PRKG1: variants seen among roughly 807,000 people sequenced by gnomAD.
PRKG1 encodes the protein protein kinase cGMP-dependent 1, also known as cGMP-dependent protein kinase 1.
PRKG1 carries 35 observed loss-of-function variants against 88.1 expected under a neutral mutation model. The ratio of observed to expected loss-of-function variants is 0.40; its 90% CI spans 0.30 to 0.53. The LOEUF is 0.53. Among genes scored for constraint, PRKG1 ranks in the 20% least tolerant of loss-of-function variants. The pLI is 0.59. For synonymous variants in PRKG1, 303 were observed against 292.5 expected (o/e 1.04, Z -0.37); for missense variants, 540 against 839.8 (o/e 0.64, Z 4.41).
chr10:51,782,167 T>C (rs530201730), intron 3 of PRKG1, among the ~76,000 whole-genome samples: 10 of 152,244 alleles, frequency 6.6e-5, no homozygotes, highest in South Asian at 4.1e-4. Flanking sequence ...TTTTAAAGAA[T>C]ATATAAAAAG....
chr10:51,613,902 G>A (rs1838977127), intron 3 of PRKG1, among the ~76,000 whole-genome samples: 1 of 151,362 alleles, frequency 6.6e-6, no homozygotes, highest in Non-Finnish European at 1.5e-5. Flanking sequence ...TTCTTTTTTT[G>A]GCCTAACATA....
chr10:51,609,155 T>C (rs189477729), intron 3 of PRKG1, among the ~76,000 whole-genome samples: 5 of 152,194 alleles, frequency 3.3e-5, no homozygotes, highest in African/African-American at 1.2e-4. Flanking sequence ...TAGTTACATA[T>C]GTATACATGT....
chr10:51,628,539 T>A (rs1158921122), intron 3 of PRKG1, among the ~76,000 whole-genome samples: 1 of 152,182 alleles, frequency 6.6e-6, no homozygotes, highest in East Asian at 1.9e-4. Flanking sequence ...CTGGTATATA[T>A]TTTTACCATT....
chr10:51,392,947 C>T (rs1480387873), intron 2 of PRKG1, among the ~76,000 whole-genome samples: 2 of 67,376 alleles, frequency 3.0e-5, no homozygotes, highest in East Asian at 7.7e-4. Flanking sequence ...GGCGGCTGGC[C>T]GGGCTGAGGG....
chr10:51,176,279 A>G (rs552390986), intron 2 of PRKG1, among the ~76,000 whole-genome samples: 1 of 152,240 alleles, frequency 6.6e-6, no homozygotes, highest in Admixed American at 6.5e-5. Context: ...TCTCTGTATC[A>G]GGGTCATATA....
In PRKG1 at chr10:51,989,979, T is replaced by C. The variant is rs965039161; in HGVS notation, c.763-64505T>C. Among the ~76,000 whole-genome samples, 8 of 152,128 alleles carry C rather than the reference T, an allele frequency of 5.3e-5. No homozygotes were observed. In the East Asian group the frequency reaches 1.3e-3, roughly 26 times the overall value. ...ATCTTTAATCCCTTTTAAGTTGTTT[T>C]TGAGTTAATACTTTTTTTTTAGTAT... is the stretch of plus-strand genomic sequence containing the variant. On this transcript the variant is annotated intron_variant, in intron 5 of 17. Coordinates refer to ENST00000373980, the MANE Select transcript of PRKG1 (RefSeq NM_006258.4).
intron 3 of PRKG1, among the ~76,000 whole-genome samples, chr10:51,770,178 T>C (rs1374295020): frequency 6.6e-6 from 1 of 152,264 alleles, no homozygotes; most frequent in Non-Finnish European, 1.5e-5. Context: ...AAAGGAATTC[T>C]ACAGGACTGG....
chr10:51,584,679 G>A (rs930652670), intron 3 of PRKG1, among the ~76,000 whole-genome samples: 4 of 152,134 alleles, frequency 2.6e-5, no homozygotes, highest in East Asian at 1.9e-4. Context: ...AGTTACTTAT[G>A]TCTACATGTT....
intron 4 of PRKG1, among the ~76,000 whole-genome samples, chr10:51,817,351 C>T (rs1382443665): frequency 6.1e-5 from 9 of 147,544 alleles, no homozygotes; most frequent in Non-Finnish European, 3.0e-5. Context: ...TCCCCAACCC[C>T]CCCCCTCCCC....
At chr10:51,207,586 A>G (rs1209218725) in intron 2 of PRKG1, among the ~76,000 whole-genome samples, 1 of 151,870 alleles carries the variant, frequency 6.6e-6, no homozygotes, top group Non-Finnish European at 1.5e-5. Flanking sequence ...ATTCAACTCC[A>G]CTCAGGCACC....
At chr10:51,192,296 AC>A (rs1453521762) in intron 2 of PRKG1, among the ~76,000 whole-genome samples, 2 of 151,866 alleles carry the variant, frequency 1.3e-5, no homozygotes, top group Non-Finnish European at 2.9e-5. Context: ...AACAGGGAAG[AC>A]CACATGACCT....
chr10:51,958,534 C>G (rs1453082375), intron 5 of PRKG1, among the ~76,000 whole-genome samples: 2 of 139,364 alleles, frequency 1.4e-5, no homozygotes, highest in African/African-American at 5.2e-5. Flanking sequence ...AATAGGTCGT[C>G]CATTGTTGTT....
chr10:51,782,780 G>A (rs766961572), intron 3 of PRKG1, among the ~76,000 whole-genome samples: 66 of 152,080 alleles, frequency 4.3e-4, no homozygotes, highest in Admixed American at 6.6e-4. Flanking sequence ...CATGTAAGAC[G>A]GGACTAGCTC....
intron 9 of PRKG1, among the ~76,000 whole-genome samples, chr10:52,177,874 G>T (rs1838906508): frequency 6.7e-6 from 1 of 149,666 alleles, no homozygotes. Context: ...TCATTTATTT[G>T]GTTCTTTTTT....
chr10:52,187,294 A>T (rs1452513761), intron 9 of PRKG1, among the ~76,000 whole-genome samples: 1 of 152,184 alleles, frequency 6.6e-6, no homozygotes, highest in Non-Finnish European at 1.5e-5. Flanking sequence ...AAGTCACTAT[A>T]GTAGCCTCAA....
chr10:51,803,156 T>C (rs1234631874), intron 3 of PRKG1, among the ~76,000 whole-genome samples: 1 of 152,106 alleles, frequency 6.6e-6, no homozygotes, highest in Non-Finnish European at 1.5e-5. Context: ...AAGGGTATTG[T>C]AGAAAAGAGT....
chr10:51,983,523 G>A (rs771293999), intron 5 of PRKG1, among the ~76,000 whole-genome samples: 26 of 152,210 alleles, frequency 1.7e-4, no homozygotes, highest in Non-Finnish European at 2.9e-5. Context: ...GGGGTGCTTA[G>A]ACTGGACCAG....
intron 3 of PRKG1, among the ~76,000 whole-genome samples, chr10:51,581,259 C>T (rs774743125): frequency 7.2e-5 from 11 of 152,114 alleles, no homozygotes; most frequent in African/African-American, 1.2e-4. Flanking sequence ...AAAACAGAAA[C>T]GCAGTCTTTC....
chr10:51,794,732 C>T (rs1838966397), intron 3 of PRKG1, among the ~76,000 whole-genome samples: 1 of 151,326 alleles, frequency 6.6e-6, no homozygotes. Context: ...TTATGTGGTA[C>T]ACAGTAAATA....
Sources: allele counts gnomAD v4.1 joint callset (sites outside exome capture counted in the v4.1 genomes callset), GRCh38; gene constraint gnomAD v4.1.1; transcripts MANE v1.5; gene names NCBI Gene and HGNC (gene_info 2026-07-23, HGNC 2026-07-21).